The following ELMOD1 variants were observed in gnomAD, a reference collection of about 807,000 sequenced individuals.
The protein encoded by ELMOD1 is ELMO domain containing 1, also known as ELMO domain-containing protein 1.
ELMOD1 carries 21 observed loss-of-function variants against 46.7 expected under a neutral mutation model. The ratio of observed to expected loss-of-function variants is 0.45; its 90% CI spans 0.32 to 0.65. The LOEUF (loss-of-function observed/expected upper bound fraction) is 0.65, where lower values mean the gene tolerates loss of function less well. Among genes scored for constraint, ELMOD1 ranks in the 30% least tolerant of loss-of-function variants. ELMOD1 has a pLI of 0.04. For missense variants in ELMOD1, 348 were observed against 407.8 expected (o/e 0.85, Z 1.26); for synonymous variants, 122 against 138.2 (o/e 0.88, Z 0.82).
chr11:107,597,387 A>G (rs1234036798), intron 1 of ELMOD1, among the ~76,000 whole-genome samples: 1 of 152,220 alleles, frequency 6.6e-6, no homozygotes, highest in Non-Finnish European at 1.5e-5. Flanking sequence ...GTTAGCAAGC[A>G]GTACAGAAGA....
At chr11:107,603,355 A>G (rs1254669014) in intron 1 of ELMOD1, among the ~76,000 whole-genome samples, 39 of 152,206 alleles carry the variant, frequency 2.6e-4, no homozygotes, top group Admixed American at 2.6e-3. Flanking sequence ...CCTGGCCAAC[A>G]TGGCAAAACC....
intron 11 of ELMOD1, among the ~76,000 whole-genome samples, chr11:107,656,468 A>AT (rs977918549): frequency 6.1e-5 from 9 of 148,110 alleles, no homozygotes; most frequent in Admixed American, 2.0e-4. Flanking sequence ...TATTATATGT[A>AT]TTTTATATAT....
Position 107,665,519 on chromosome 11 carries a change from C to T in ELMOD1, c.*322C>T, listed in dbSNP as rs145647915. The T allele has an allele frequency of 5.7e-4, 128 of 226,334 alleles. 2 individuals carry two copies. Among genetic ancestry groups the T allele is most frequent in the African/African-American group, 2.9e-3 (126 of 44,078 alleles). The allele number at this position is 226,334 out of a possible 1,614,324, so 14.0% of individuals were successfully genotyped here. A position where few individuals can be genotyped will look rare whatever the true frequency, so the allele number is the denominator to read the frequency against. On this transcript the variant is annotated 3_prime_UTR_variant, in exon 12 of 12. Transcript: ENST00000265840. ...TTCAGCATTAAAGAATTGTATTTCT[C>T]TAGCTGTATTTTGTATGTAAGAGGT...
Position 107,661,618 on chromosome 11 carries a change from GA to G in ELMOD1, c.833-3404del, listed in dbSNP as rs1404275240. ...TTATGTATGTATTTTATATAGTAAG[GA>G]AAGAAGGATTTATAAATTATCATAG... On this transcript the variant is annotated intron_variant, in intron 11 of 11. Coordinates refer to ENST00000265840, the MANE Select transcript of ELMOD1 (RefSeq NM_018712.4). Among the ~76,000 whole-genome samples, 7 of 152,270 alleles carry G rather than the reference GA, an allele frequency of 4.6e-5. No homozygotes were observed. The East Asian group carries it at 1.3e-3, about 29-fold the overall frequency.
intron 2 of ELMOD1, among the ~76,000 whole-genome samples, chr11:107,624,025 C>G (rs893676393): frequency 1.3e-5 from 2 of 152,192 alleles, no homozygotes; most frequent in Admixed American, 1.3e-4. Flanking sequence ...AGCATGTCCT[C>G]TAACTAGGTT....
chr11:107,630,065 GGGAGGGC>G (rs949283807), intron 2 of ELMOD1, among the ~76,000 whole-genome samples: 1 of 152,192 alleles, frequency 6.6e-6, no homozygotes, highest in African/African-American at 2.4e-5. Context: ...CCACGTCAAA[GGGAGGGC>G]TGACTCCTAA....
At chr11:107,651,139 C>G (rs181641095) in intron 9 of ELMOD1, among the ~76,000 whole-genome samples, 4 of 152,184 alleles carry the variant, frequency 2.6e-5, no homozygotes, top group Non-Finnish European at 5.9e-5. Flanking sequence ...ATGACGGAAC[C>G]TGGTTGGAGA....
At chr11:107,638,556 G>A (rs1866267613) in intron 6 of ELMOD1, among the ~76,000 whole-genome samples, 1 of 152,196 alleles carries the variant, frequency 6.6e-6, no homozygotes, top group South Asian at 2.1e-4. Context: ...TTCCAGGGCT[G>A]ACCCATGGTT....
At chr11:107,642,955 TG>T in intron 6 of ELMOD1, 2 of 326,554 alleles carry the variant, frequency 6.1e-6, no homozygotes, top group South Asian at 3.0e-5. Flanking sequence ...AGGTTATCCT[TG>T]GACATCAAAT....
chr11:107,616,659 G>A (rs908837401), intron 1 of ELMOD1, among the ~76,000 whole-genome samples: 6 of 152,252 alleles, frequency 3.9e-5, no homozygotes, highest in African/African-American at 1.2e-4. Context: ...GATTACAGGC[G>A]TGAGCCAGGG....
chr11:107,609,568 CCCG>C (rs1362509879), intron 1 of ELMOD1, among the ~76,000 whole-genome samples: 1 of 152,104 alleles, frequency 6.6e-6, no homozygotes, highest in Non-Finnish European at 1.5e-5. Flanking sequence ...TTAGGGTTAC[CCCG>C]TAGCACTTTA....
chr11:107,615,451 T>C (rs1319366842), intron 1 of ELMOD1, among the ~76,000 whole-genome samples: 2 of 152,014 alleles, frequency 1.3e-5, no homozygotes, highest in African/African-American at 4.8e-5. Context: ...GCCAGGATGG[T>C]CTCGATCTCC....
At chr11:107,650,289 G>C in intron 7 of ELMOD1, 46 bp from the exon 8 acceptor site, 1 of 1,343,686 alleles carries the variant, frequency 7.4e-7, no homozygotes, top group Non-Finnish European at 1.0e-6. Flanking sequence ...TATATTCAGC[G>C]AGTAAGCAAG....
chr11:107,601,239 TATAC>T (rs1219328150), intron 1 of ELMOD1, among the ~76,000 whole-genome samples: 1 of 151,820 alleles, frequency 6.6e-6, no homozygotes, highest in African/African-American at 2.4e-5. Flanking sequence ...CCCTCTCTCT[TATAC>T]ATGTTTCTCC....
intron 1 of ELMOD1, among the ~76,000 whole-genome samples, chr11:107,602,644 A>G (rs913486072): frequency 6.6e-6 from 1 of 151,636 alleles, no homozygotes; most frequent in African/African-American, 2.4e-5. Context: ...TAATGAGTAT[A>G]ATATTTTTCT....
At chr11:107,629,588 C>T (rs1189948782) in intron 2 of ELMOD1, among the ~76,000 whole-genome samples, 1 of 152,170 alleles carries the variant, frequency 6.6e-6, no homozygotes, top group East Asian at 1.9e-4. Context: ...ACATGGGCCA[C>T]AGATGTGTGA....
At chr11:107,599,778 A>C (rs182885513) in intron 1 of ELMOD1, among the ~76,000 whole-genome samples, 25 of 150,702 alleles carry the variant, frequency 1.7e-4, no homozygotes, top group African/African-American at 5.9e-4. Flanking sequence ...AAAAAAAAAA[A>C]ACTGTATCCT....
intron 1 of ELMOD1, among the ~76,000 whole-genome samples, chr11:107,601,502 G>A (rs1865598461): frequency 7.0e-6 from 1 of 143,466 alleles, no homozygotes; most frequent in Non-Finnish European, 1.5e-5. Context: ...TGCAACCTCT[G>A]TCTCCTAAGT....
At chr11:107,650,433 G>A in intron 8 of ELMOD1, 30 bp downstream of exon 8, 3 of 1,449,522 alleles carry the variant, frequency 2.1e-6, no homozygotes, top group Non-Finnish European at 9.5e-7. Flanking sequence ...GATGAATTAG[G>A]TTTTATGGGT....
Sources: allele counts gnomAD v4.1 joint callset (sites outside exome capture counted in the v4.1 genomes callset), GRCh38; gene constraint gnomAD v4.1.1; transcripts MANE v1.5; gene names NCBI Gene and HGNC (gene_info 2026-07-23, HGNC 2026-07-21).